Variants in GABRB3 observed in about 807,000 individuals in gnomAD.
GABRB3 encodes gamma-aminobutyric acid receptor subunit beta-3.
Under a neutral mutation model 52.1 loss-of-function variants are expected in GABRB3, and 14 were observed. The ratio of observed to expected loss-of-function variants is 0.27; its 90% CI spans 0.18 to 0.42. The LOEUF is 0.42. GABRB3 is among the 10% of genes least tolerant of loss of function. The pLI, the probability that GABRB3 is intolerant of heterozygous loss-of-function variation, is 1.00. For missense variants in GABRB3, 307 were observed against 609.1 expected (o/e 0.50, Z 5.22); for synonymous variants, 260 against 232.3 (o/e 1.12, Z -1.08).
chr15:26,635,042 G>T (rs1261731640), intron 3 of GABRB3, among the ~76,000 whole-genome samples: 2 of 135,636 alleles, frequency 1.5e-5, no homozygotes, highest in African/African-American at 5.4e-5. Flanking sequence ...AAGAGAGAGA[G>T]ACTTTATATG....
At chr15:26,554,209 A>ATATATATATATATAT (rs1889666539) in intron 8 of GABRB3, among the ~76,000 whole-genome samples, 1 of 99,794 alleles carries the variant, frequency 1.0e-5, no homozygotes, top group African/African-American at 3.8e-5. Flanking sequence ...ATATATATAT[A>ATATATATATATATAT]GTAGAAACAA....
chr15:26,619,799 TCCC>T (rs891974018), intron 4 of GABRB3, among the ~76,000 whole-genome samples: 1 of 151,870 alleles, frequency 6.6e-6, no homozygotes, highest in South Asian at 2.1e-4. Flanking sequence ...TTTTTGCTCT[TCCC>T]CATCACACAC....
chr15:26,677,857 A>C (rs999945547), intron 3 of GABRB3, among the ~76,000 whole-genome samples: 5 of 152,206 alleles, frequency 3.3e-5, no homozygotes, highest in African/African-American at 1.2e-4. Context: ...CTGTCCTCCC[A>C]ATTTCACCCA....
intron 3 of GABRB3, among the ~76,000 whole-genome samples, chr15:26,627,950 T>C (rs1244789205): frequency 6.6e-6 from 1 of 152,164 alleles, no homozygotes; most frequent in Non-Finnish European, 1.5e-5. Flanking sequence ...AGTAATAAAT[T>C]TCATTGTTGT....
At chr15:26,704,654 C>T (rs1279284288) in intron 3 of GABRB3, among the ~76,000 whole-genome samples, 1 of 152,202 alleles carries the variant, frequency 6.6e-6, no homozygotes, top group Non-Finnish European at 1.5e-5. Flanking sequence ...GAACACCTTG[C>T]TGCTTTGAGA....
At chr15:26,755,802 T>C (rs536292959) in intron 3 of GABRB3, among the ~76,000 whole-genome samples, 1 of 152,202 alleles carries the variant, frequency 6.6e-6, no homozygotes, top group Non-Finnish European at 1.5e-5. Flanking sequence ...ATGAAATATA[T>C]CTCAAAGAAA....
At chr15:26,606,808 A>ATAGATCTATCGATAGATATATT (rs750566618) in intron 4 of GABRB3, among the ~76,000 whole-genome samples, 3 of 84,774 alleles carry the variant, frequency 3.5e-5, no homozygotes, top group African/African-American at 1.3e-4. Context: ...ATATATCTAT[A>ATAGATCTATCGATAGATATATT]GATAGATAGA....
At chr15:26,551,708 C>G (rs955975015) in intron 8 of GABRB3, among the ~76,000 whole-genome samples, 1 of 152,114 alleles carries the variant, frequency 6.6e-6, no homozygotes, top group Non-Finnish European at 1.5e-5. Flanking sequence ...AGTGTCACCG[C>G]GGGGTCTTCC....
At chr15:26,562,114 T>C (rs1014889798) in intron 7 of GABRB3, among the ~76,000 whole-genome samples, 3 of 152,134 alleles carry the variant, frequency 2.0e-5, no homozygotes, top group Admixed American at 1.3e-4. Context: ...TCTGAGGCCA[T>C]AGACACCAGG....
intron 4 of GABRB3, among the ~76,000 whole-genome samples, chr15:26,594,572 T>C (rs1891327790): frequency 6.6e-6 from 1 of 152,224 alleles, no homozygotes; most frequent in Admixed American, 6.5e-5. Flanking sequence ...CACAGCTCAC[T>C]GTAGCTTCAA....
intron 3 of GABRB3, among the ~76,000 whole-genome samples, chr15:26,670,845 A>G (rs1311131428): frequency 6.6e-6 from 1 of 152,236 alleles, no homozygotes; most frequent in Non-Finnish European, 1.5e-5. Context: ...TTCATAGCTA[A>G]ACATCCTTAT....
chr15:26,605,943 G>A lies in GABRB3; in HGVS notation c.461+15371C>T, dbSNP rs536439045. 9.2e-5 allele frequency among the ~76,000 whole-genome samples: 14 copies of A among 152,178 alleles called. No homozygotes were observed. In the East Asian group the frequency reaches 1.7e-3, roughly 19 times the overall value. ...GGTCTCAGGAAACATACAACACAGCGGAAGTCGAATACGAAGGAGGCACGT... is the reference window on the plus strand; with the variant it reads ...GGTCTCAGGAAACATACAACACAGCAGAAGTCGAATACGAAGGAGGCACGT... On this transcript the variant is annotated intron_variant, in intron 4 of 8. Coordinates refer to ENST00000311550, the MANE Select transcript of GABRB3 (RefSeq NM_000814.6).
intron 3 of GABRB3, among the ~76,000 whole-genome samples, chr15:26,654,426 G>T (rs1015330021): frequency 6.6e-6 from 1 of 152,046 alleles, no homozygotes. Context: ...GATTACAGGC[G>T]TGAGCCACCG....
rs554319733 is a variant in GABRB3, at chr15:26,741,645, G to A, written c.240+30757C>T. Reference sequence around the variant, plus strand: ...TTTTTTGGAGATAGGGTCTCACTCCGTCCCCCAGGCTGGAGTGCCCTGGCA... The same window carrying A: ...TTTTTTGGAGATAGGGTCTCACTCCATCCCCCAGGCTGGAGTGCCCTGGCA... On this transcript the variant is annotated intron_variant, in intron 3 of 8. Transcript: ENST00000311550. 1.6e-4 allele frequency among the ~76,000 whole-genome samples: 24 copies of A among 152,180 alleles called. No individual in the cohort carries two copies. In the South Asian group the frequency reaches 1.9e-3, roughly 12 times the overall value.
intron 2 of GABRB3, 77 bp downstream of exon 2, chr15:26,772,604 G>T: frequency 2.1e-6 from 3 of 1,436,298 alleles, no homozygotes; most frequent in Non-Finnish European, 2.8e-6. Context: ...CCGCGGATGC[G>T]GCCCCCGCCT....
chr15:26,560,160 T>C (rs571214236), intron 8 of GABRB3, among the ~76,000 whole-genome samples: 2 of 152,362 alleles, frequency 1.3e-5, no homozygotes, highest in South Asian at 4.1e-4. Context: ...AAACTATAGA[T>C]GATTTTGGCT....
At chr15:26,588,066 G>A (rs8024564) in intron 4 of GABRB3, among the ~76,000 whole-genome samples, 79,329 of 151,840 alleles carry the variant, frequency 0.52, 21,388 homozygotes, top group Non-Finnish European at 0.59. Context: ...CTGTGACTAC[G>A]AGGTATGTTT....
intron 3 of GABRB3, among the ~76,000 whole-genome samples, chr15:26,669,994 C>T (rs928698222): frequency 2.0e-5 from 3 of 152,214 alleles, no homozygotes; most frequent in Non-Finnish European, 4.4e-5. Flanking sequence ...CAGAGAGGCC[C>T]TGTCCATCTT....
chr15:26,595,964 G>A (rs1469492381), intron 4 of GABRB3, among the ~76,000 whole-genome samples: 1 of 152,128 alleles, frequency 6.6e-6, no homozygotes, highest in Non-Finnish European at 1.5e-5. Flanking sequence ...CATGGCCCCT[G>A]TTCGTAAGTT....
Sources: gnomAD v4.1 joint callset for allele counts (sites outside exome capture counted in the v4.1 genomes callset) on GRCh38, gnomAD v4.1.1 for gene constraint, MANE v1.5 for transcripts, NCBI Gene and HGNC (gene_info 2026-07-23, HGNC 2026-07-21) for gene names.